Variants in NR6A1 observed in about 807,000 individuals in gnomAD.
NR6A1 encodes nuclear receptor subfamily 6 group A member 1, also known as retinoic acid receptor-related testis-associated receptor.
In NR6A1, 7 loss-of-function variants were observed where a neutral mutation model predicts 59.1. The ratio of observed to expected loss-of-function variants is 0.12; its 90% CI spans 0.07 to 0.22. The LOEUF is 0.22. Among genes scored for constraint, NR6A1 ranks in the 10% least tolerant of loss-of-function variants. The pLI, the probability that NR6A1 is intolerant of heterozygous loss-of-function variation, is 1.00. For missense variants in NR6A1, 468 were observed against 611.6 expected, an observed-to-expected ratio of 0.77 and a Z score of 2.48; for synonymous variants, 243 against 236.1, an observed-to-expected ratio of 1.03 and a Z score of -0.27.
chr9:124,650,183 T>C (rs1262982349), intron 2 of NR6A1, among the ~76,000 whole-genome samples: 1 of 152,094 alleles, frequency 6.6e-6, no homozygotes, highest in African/African-American at 2.4e-5. Context: ...ATATCAGACA[T>C]GAAATCAACC....
At chr9:124,731,352 A>G (rs935278879) in intron 2 of NR6A1, among the ~76,000 whole-genome samples, 1 of 151,294 alleles carries the variant, frequency 6.6e-6, no homozygotes, top group African/African-American at 2.4e-5. Flanking sequence ...CCTGGGTGAC[A>G]GAGCGAAACT....
intron 2 of NR6A1, among the ~76,000 whole-genome samples, chr9:124,689,442 T>A (rs2131015214): frequency 6.6e-6 from 1 of 152,296 alleles, no homozygotes; most frequent in African/African-American, 2.4e-5. Context: ...CAAAGAATCA[T>A]CCAATTTGGA....
intron 2 of NR6A1, among the ~76,000 whole-genome samples, chr9:124,646,682 CA>C (rs2130912786): frequency 6.6e-6 from 1 of 152,104 alleles, no homozygotes; most frequent in South Asian, 2.1e-4. Context: ...AAAAAAAATG[CA>C]AAAAATTTCA....
At chr9:124,587,094 A>AGGATGGCTGATGAT (rs776739737) in intron 2 of NR6A1, among the ~76,000 whole-genome samples, 3 of 152,372 alleles carry the variant, frequency 2.0e-5, no homozygotes, top group Non-Finnish European at 2.9e-5. Context: ...CTGATCAGTT[A>AGGATGGCTGATGAT]GCAGCCATCA....
intron 2 of NR6A1, among the ~76,000 whole-genome samples, chr9:124,693,966 AT>A (rs1391980316): frequency 6.6e-6 from 1 of 152,196 alleles, no homozygotes; most frequent in African/African-American, 2.4e-5. Context: ...TCCTTTTTCA[AT>A]AGTCTAGATT....
At chr9:124,655,253 C>T (rs967401188) in intron 2 of NR6A1, among the ~76,000 whole-genome samples, 4 of 152,112 alleles carry the variant, frequency 2.6e-5, no homozygotes, top group African/African-American at 9.7e-5. Context: ...TGAAGTCTGC[C>T]TCTAACATAA....
chr9:124,771,201 G>A lies in NR6A1; in HGVS notation c.-82C>T, dbSNP rs1003104783. Reference sequence around the variant, plus strand: ...GTCGCCGTGGTCGTCGTCCGCCGAGGGGAGGAGGTTGTCAGGAGCCCGCGA... The same window carrying A: ...GTCGCCGTGGTCGTCGTCCGCCGAGAGGAGGAGGTTGTCAGGAGCCCGCGA... On this transcript the variant is annotated 5_prime_UTR_variant, in exon 1 of 10. Transcript: ENST00000487099. The A allele has an allele frequency of 5.0e-6, 4 of 799,934 alleles. No individual in the cohort carries two copies. The highest frequency in any genetic ancestry group is 3.6e-5 in the African/African-American group (2 of 56,042). The allele number at this position is 799,934 out of a possible 1,614,324, so 49.6% of individuals were successfully genotyped here. A position where few individuals can be genotyped will look rare whatever the true frequency, so the allele number is the denominator to read the frequency against.
chr9:124,698,515 C>G (rs1346678479), intron 2 of NR6A1: 1 of 152,154 alleles, frequency 6.6e-6, no homozygotes. Context: ...GAAATTCCAG[C>G]CTATTCATGT....
chr9:124,616,494 G>T (rs1263372969), intron 2 of NR6A1, among the ~76,000 whole-genome samples: 4 of 151,288 alleles, frequency 2.6e-5, no homozygotes, highest in Non-Finnish European at 1.5e-5. Context: ...ATACTGAGGG[G>T]GTGTCTTTCT....
At chr9:124,588,433 G>A (rs1304076888) in intron 2 of NR6A1, among the ~76,000 whole-genome samples, 1 of 151,500 alleles carries the variant, frequency 6.6e-6, no homozygotes, top group African/African-American at 2.4e-5. Flanking sequence ...TCAGCCTCCC[G>A]AGTAGCTGGG....
At chr9:124,731,110 G>A (rs913232792) in intron 2 of NR6A1, among the ~76,000 whole-genome samples, 7 of 152,006 alleles carry the variant, frequency 4.6e-5, no homozygotes, top group African/African-American at 7.3e-5. Flanking sequence ...AGTGGTTCAC[G>A]CCTGTAATCC....
intron 2 of NR6A1, among the ~76,000 whole-genome samples, chr9:124,594,531 C>A (rs1267116367): frequency 6.6e-6 from 1 of 152,208 alleles, no homozygotes; most frequent in African/African-American, 2.4e-5. Context: ...TCTTAAACTA[C>A]TCCTTTCTGG....
At chr9:124,567,107 C>CAA (rs796647682) in intron 2 of NR6A1, among the ~76,000 whole-genome samples, 11 of 121,650 alleles carry the variant, frequency 9.0e-5, no homozygotes, top group East Asian at 4.6e-4. Context: ...GACTCCGTCT[C>CAA]AAAAAAAAAA....
chr9:124,670,699 G>C (rs1252460955), intron 2 of NR6A1, among the ~76,000 whole-genome samples: 1 of 152,176 alleles, frequency 6.6e-6, no homozygotes, highest in East Asian at 1.9e-4. Flanking sequence ...AGAGCAGTGA[G>C]GAAAAGATGT....
At chr9:124,561,585 T>G (rs913139619) in intron 2 of NR6A1, among the ~76,000 whole-genome samples, 2 of 152,192 alleles carry the variant, frequency 1.3e-5, no homozygotes, top group African/African-American at 2.4e-5. Flanking sequence ...AAATTGTTGC[T>G]TAATAATAAG....
chr9:124,721,075 T>A (rs1839549850), intron 2 of NR6A1, among the ~76,000 whole-genome samples: 1 of 152,234 alleles, frequency 6.6e-6, no homozygotes, highest in Non-Finnish European at 1.5e-5. Context: ...AGAACCTAAC[T>A]AGCCTCAGAA....
intron 2 of NR6A1, among the ~76,000 whole-genome samples, chr9:124,703,996 A>G (rs1399629666): frequency 6.6e-6 from 1 of 152,182 alleles, no homozygotes; most frequent in Non-Finnish European, 1.5e-5. Context: ...GAATTCACCA[A>G]TGGAGACACC....
At chr9:124,673,846 G>A (rs1169504184) in intron 2 of NR6A1, among the ~76,000 whole-genome samples, 4 of 152,122 alleles carry the variant, frequency 2.6e-5, no homozygotes, top group South Asian at 4.1e-4. Flanking sequence ...ACAAATATAC[G>A]AGGATTAAGG....
chr9:124,744,608 C>T (rs1197831748), intron 1 of NR6A1, among the ~76,000 whole-genome samples: 1 of 152,198 alleles, frequency 6.6e-6, no homozygotes, highest in Non-Finnish European at 1.5e-5. Flanking sequence ...ACAGCAGGAC[C>T]TCAACGTCCA....
Sources: gnomAD v4.1 joint callset for allele counts (sites outside exome capture counted in the v4.1 genomes callset) on GRCh38, gnomAD v4.1.1 for gene constraint, MANE v1.5 for transcripts, NCBI Gene and HGNC (gene_info 2026-07-23, HGNC 2026-07-21) for gene names.